The following EPHB1 variants were observed in gnomAD, a reference collection of about 807,000 sequenced individuals.
EPHB1 encodes the protein ephrin type-B receptor 1.
A neutral mutation model predicts 94.4 loss-of-function variants in EPHB1; 30 were observed. The observed-to-expected ratio is 0.32, with a 90% CI of 0.24 to 0.43. The LOEUF (loss-of-function observed/expected upper bound fraction) is 0.43. Among genes scored for constraint, EPHB1 ranks in the 20% least tolerant of loss-of-function variants. EPHB1 has a pLI of 1.00. For synonymous variants in EPHB1, 522 were observed against 489.1 expected (o/e 1.07, Z -0.89); for missense variants, 1,055 against 1,308.3 (o/e 0.81, Z 2.99).
At chr3:134,862,832 C>T (rs1386497372) in intron 1 of EPHB1, among the ~76,000 whole-genome samples, 1 of 152,228 alleles carries the variant, frequency 6.6e-6, no homozygotes, top group Non-Finnish European at 1.5e-5. Flanking sequence ...CTGGAGCCAA[C>T]AGGGGCTGTC....
chr3:135,255,896 G>T (rs1435871771), intron 15 of EPHB1, among the ~76,000 whole-genome samples: 1 of 145,816 alleles, frequency 6.9e-6, no homozygotes, highest in Admixed American at 6.9e-5. Flanking sequence ...ATGAATCTGG[G>T]TGCTCCTGTA....
At chr3:134,867,965 A>G (rs1467810040) in intron 1 of EPHB1, among the ~76,000 whole-genome samples, 1 of 152,218 alleles carries the variant, frequency 6.6e-6, no homozygotes, top group Non-Finnish European at 1.5e-5. Context: ...CTCTGAGGAC[A>G]GTAAGTAAAG....
chr3:135,129,090 G>A lies in EPHB1; in HGVS notation c.962-3624G>A, dbSNP rs545561237. Reference sequence around the variant, plus strand: ...GACCTTCACAAGCCCCTGTTCATGCGCCACAGATGCATTTGCTCTGAAAAG... The same window carrying A: ...GACCTTCACAAGCCCCTGTTCATGCACCACAGATGCATTTGCTCTGAAAAG... On this transcript the variant is annotated intron_variant, in intron 4 of 15. Coordinates refer to ENST00000398015, the MANE Select transcript of EPHB1 (RefSeq NM_004441.5). 2.2e-4 allele frequency among the ~76,000 whole-genome samples: 34 copies of A among 152,040 alleles called. No homozygotes were observed. In the South Asian group the frequency reaches 5.6e-3, roughly 25 times the overall value.
chr3:134,952,004 T>A lies in EPHB1; in HGVS notation c.757T>A (p.Cys253Ser). 1 of 1,613,568 alleles carries A rather than the reference T, an allele frequency of 6.2e-7. No homozygotes were observed. Among genetic ancestry groups the A allele is most frequent in the East Asian group, 2.2e-5 (1 of 44,866 alleles). Residue 253 changes from cysteine (C) to serine (S), a missense_variant, in exon 3 of 16, where the codon TGC becomes AGC. Coordinates refer to ENST00000398015, the MANE Select transcript of EPHB1 (RefSeq NM_004441.5). ...GGAATGGATGGTGCCTATTGGGCGA[T>A]GCACCTGCAAGCCTGGCTATGAGCC... The part of the protein sequence containing the change: ...DGEWMVPIGR[C>S]TCKPGYEPEN...
intron 1 of EPHB1, among the ~76,000 whole-genome samples, chr3:134,870,319 T>C (rs2037472835): frequency 1.3e-5 from 2 of 152,144 alleles, no homozygotes; most frequent in Admixed American, 6.5e-5. Context: ...AGGGTGGGGT[T>C]GTTAGGAAAG....
chr3:134,922,799 G>A (rs1325858472), intron 1 of EPHB1, among the ~76,000 whole-genome samples: 1 of 152,178 alleles, frequency 6.6e-6, no homozygotes, highest in Non-Finnish European at 1.5e-5. Context: ...AGTCGGCCTT[G>A]TGGTCCATGT....
At chr3:134,914,951 T>C (rs975443993) in intron 1 of EPHB1, among the ~76,000 whole-genome samples, 1 of 152,078 alleles carries the variant, frequency 6.6e-6, no homozygotes, top group Non-Finnish European at 1.5e-5. Flanking sequence ...TGGATGCCTC[T>C]CTCTGCCCAG....
intron 3 of EPHB1, among the ~76,000 whole-genome samples, chr3:135,061,932 AT>A (rs757834079): frequency 1.3e-5 from 2 of 152,070 alleles, no homozygotes; most frequent in African/African-American, 4.8e-5. Flanking sequence ...TGAACTCATC[AT>A]TTTTTATGGC....
At chr3:134,824,177 A>G (rs2036433834) in intron 1 of EPHB1, among the ~76,000 whole-genome samples, 1 of 129,660 alleles carries the variant, frequency 7.7e-6, no homozygotes, top group Non-Finnish European at 1.6e-5. Context: ...GCACTTGACT[A>G]AGTGGTAGTT....
At chr3:135,068,722 C>T (rs1439980863) in intron 3 of EPHB1, among the ~76,000 whole-genome samples, 1 of 151,200 alleles carries the variant, frequency 6.6e-6, no homozygotes, top group Non-Finnish European at 1.5e-5. Flanking sequence ...AATCTCTGCT[C>T]ACTGCAAGCT....
Position 135,259,858 on chromosome 3 carries a change from T to C in EPHB1, c.*738T>C, listed in dbSNP as rs1933570181. 4.4e-6 allele frequency: 1 copy of C among 225,000 alleles called. No homozygotes were observed. The highest frequency in any genetic ancestry group is 8.9e-6 in the Non-Finnish European group (1 of 112,654). The allele number at this position is 225,000 out of a possible 1,614,324, so 13.9% of individuals were successfully genotyped here. On this transcript the variant is annotated 3_prime_UTR_variant, in exon 16 of 16. Transcript: ENST00000398015. ...GTTTCCGTGTGCAAAAGCACACATA[T>C]GTATGTCTGTGTTATAAAATGACTG...
intron 1 of EPHB1, among the ~76,000 whole-genome samples, chr3:134,892,503 T>A (rs1361120640): frequency 6.6e-6 from 1 of 152,198 alleles, no homozygotes; most frequent in African/African-American, 2.4e-5. Context: ...AAGAGAACTA[T>A]GAACATTTGC....
rs1933356077 is a variant in EPHB1 at position 134,958,233 on chromosome 3, AG to A, written c.805+6182del. ...ATGAGCCACTTTATAAGCCTGGGGG[AG>A]TTGAGATGAAAAATTTGCAGGATTT... On this transcript the variant is annotated intron_variant, in intron 3 of 15. Transcript: ENST00000398015. 3.3e-5 allele frequency among the ~76,000 whole-genome samples: 5 copies of A among 152,140 alleles called. No homozygotes were observed. In the South Asian group the frequency reaches 1.0e-3, roughly 32 times the overall value.
intron 3 of EPHB1, among the ~76,000 whole-genome samples, chr3:134,983,451 A>G (rs541676151): frequency 1.3e-5 from 2 of 152,368 alleles, no homozygotes; most frequent in East Asian, 1.9e-4. Context: ...GTGGGGCTCA[A>G]TGCTAATTCT....
Position 135,260,200 on chromosome 3 carries a change from C to T in EPHB1, c.*1080C>T, listed in dbSNP as rs766323894. The stretch of plus-strand genomic sequence containing the variant: ...AAAGTGTTTCTGGAGAATGTTCTTT[C>T]ACATCACTGGAATCTGCAATTCAAG... On this transcript the variant is annotated 3_prime_UTR_variant, in exon 16 of 16. Coordinates refer to ENST00000398015, the MANE Select transcript of EPHB1 (RefSeq NM_004441.5). 4 of 232,810 alleles carry T rather than the reference C, an allele frequency of 1.7e-5. No homozygotes were observed. The Admixed American group carries it at 2.3e-4, about 13-fold the overall frequency. 14.4% of individuals were successfully genotyped at this position (232,810 alleles called of 1,614,324 possible). A position where few individuals can be genotyped will look rare whatever the true frequency, so the allele number is the denominator to read the frequency against.
At chr3:134,894,813 G>A (rs1236053318) in intron 1 of EPHB1, among the ~76,000 whole-genome samples, 4 of 152,230 alleles carry the variant, frequency 2.6e-5, no homozygotes, top group Non-Finnish European at 2.9e-5. Context: ...ACACATTGAA[G>A]AGCCAAGTGC....
intron 3 of EPHB1, among the ~76,000 whole-genome samples, chr3:135,014,690 C>T (rs1203348314): frequency 6.6e-6 from 1 of 152,172 alleles, no homozygotes; most frequent in Non-Finnish European, 1.5e-5. Flanking sequence ...GTCACCCTTC[C>T]AAATGGATCA....
At chr3:134,999,790 T>C (rs1363208351) in intron 3 of EPHB1, among the ~76,000 whole-genome samples, 1 of 152,224 alleles carries the variant, frequency 6.6e-6, no homozygotes, top group Non-Finnish European at 1.5e-5. Flanking sequence ...TTGCCTCAGG[T>C]GGCCTTGTGA....
At chr3:135,253,492 T>C (rs1933221564) in intron 15 of EPHB1, among the ~76,000 whole-genome samples, 1 of 152,032 alleles carries the variant, frequency 6.6e-6, no homozygotes, top group East Asian at 1.9e-4. Context: ...TTGCTTGTTT[T>C]TCTCAGGTTT....
Sources: allele counts gnomAD v4.1 joint callset (sites outside exome capture counted in the v4.1 genomes callset), GRCh38; gene constraint gnomAD v4.1.1; transcripts MANE v1.5; gene names NCBI Gene and HGNC (gene_info 2026-07-23, HGNC 2026-07-21).